PSME3IP1: variants seen among roughly 807,000 people sequenced by gnomAD.
The protein encoded by PSME3IP1 is proteasome activator subunit 3 interacting protein 1.
PSME3IP1 carries 13 observed loss-of-function variants against 34.1 expected under a neutral mutation model. The observed-to-expected ratio is 0.38, with a 90% confidence interval of 0.25 to 0.61. The LOEUF is 0.61. Among genes scored for constraint, PSME3IP1 ranks in the 20% least tolerant of loss-of-function variants. PSME3IP1 has a pLI of 0.60. For missense variants in PSME3IP1, 237 were observed against 301.4 expected (o/e 0.79, Z 1.58); for synonymous variants, 93 against 114.3 (o/e 0.81, Z 1.19).
At chr16:57,160,810 A>C (rs1465722939) in intron 6 of PSME3IP1, among the ~76,000 whole-genome samples, 1 of 152,244 alleles carries the variant, frequency 6.6e-6, no homozygotes, top group Admixed American at 6.5e-5. Context: ...TAACAATGAA[A>C]GTATGAAAAC....
intron 4 of PSME3IP1, among the ~76,000 whole-genome samples, chr16:57,169,111 C>T (rs1226968563): frequency 1.3e-5 from 2 of 151,846 alleles, no homozygotes; most frequent in Admixed American, 6.6e-5. Context: ...ATTTTTGATC[C>T]GCAAAGTACA....
chr16:57,178,678 G>C lies in PSME3IP1; in HGVS notation c.-15-4809C>G, dbSNP rs531108358. The C allele has an allele frequency of 2.9e-5, 29 of 985,092 alleles. No individual in the cohort carries two copies. The African/African-American group carries it at 4.4e-4, about 15-fold the overall frequency. 61.0% of individuals were successfully genotyped at this position (985,092 alleles called of 1,614,324 possible). A position where few individuals can be genotyped will look rare whatever the true frequency, so the allele number is the denominator to read the frequency against. ...AAACGCCATACAATTTGTGCAGTAA[G>C]AAACAAAGGACTAAAAATTAAATCT... On this transcript the variant is annotated intron_variant, in intron 1 of 6. Transcript: ENST00000309137.
chr16:57,186,077 G>C (rs2074156519), upstream of PSME3IP1: 1 of 985,422 alleles, frequency 1.0e-6, no homozygotes, highest in Middle Eastern at 5.2e-4. Context: ...AACCCAATCC[G>C]CGGAGCTCTT....
intron 1 of PSME3IP1, among the ~76,000 whole-genome samples, chr16:57,182,564 A>AAAC (rs1390428297): frequency 6.6e-6 from 1 of 150,418 alleles, no homozygotes; most frequent in African/African-American, 2.4e-5. Context: ...AAAAAAAAAA[A>AAAC]AAAAAAAAAA....
intron 5 of PSME3IP1, among the ~76,000 whole-genome samples, chr16:57,165,995 G>A (rs2071828883): frequency 6.6e-6 from 1 of 152,090 alleles, no homozygotes; most frequent in African/African-American, 2.4e-5. Flanking sequence ...AGTCTTGCAG[G>A]AAAGCTTATG....
Position 57,152,921 on chromosome 16 carries a change from G to C in PSME3IP1, c.*1369C>G, listed in dbSNP as rs1406511461. 6.6e-6 allele frequency: 1 copy of C among 152,616 alleles called. No individual in the cohort carries two copies. Among genetic ancestry groups the C allele is most frequent in the Non-Finnish European group, 1.5e-5 (1 of 68,078 alleles). The allele number at this position is 152,616 out of a possible 1,614,324, so 9.5% of individuals were successfully genotyped here. A position where few individuals can be genotyped will look rare whatever the true frequency, so the allele number is the denominator to read the frequency against. On this transcript the variant is annotated 3_prime_UTR_variant, in exon 7 of 7. Transcript: ENST00000309137. ...AAAGGAGTGGGCTGGATGAGATCCA[G>C]GGGCCTCTCTGCCCATGTTCAAAGT...
intron 1 of PSME3IP1, among the ~76,000 whole-genome samples, chr16:57,180,627 C>T (rs1167501647): frequency 6.6e-6 from 1 of 151,644 alleles, no homozygotes; most frequent in Non-Finnish European, 1.5e-5. Context: ...GAAATTAAGG[C>T]CTGGTGCACT....
chr16:57,160,397 T>C (rs890341746), intron 6 of PSME3IP1, among the ~76,000 whole-genome samples: 2 of 152,256 alleles, frequency 1.3e-5, no homozygotes, highest in African/African-American at 4.8e-5. Context: ...ATTTCCTATT[T>C]ATTAAAAAGA....
At position 57,154,611 on chromosome 16, in the gene PSME3IP1, A is replaced by T. The variant is rs2070304559; in HGVS notation, c.548-104T>A. 1.0e-6 allele frequency: 1 copy of T among 972,582 alleles called. No homozygotes were observed. Among genetic ancestry groups the T allele is most frequent in the Non-Finnish European group, 1.5e-6 (1 of 665,310 alleles). The allele number at this position is 972,582 out of a possible 1,614,324, so 60.2% of individuals were successfully genotyped here. On this transcript the variant is annotated intron_variant, in intron 6 of 6. Transcript: ENST00000309137. The surrounding 1 kb of genome is among the most constrained non-coding windows in gnomAD (Gnocchi z 4.0). ...GTACCAAGGGATTTTCCCACAGAGG[A>T]GCCTTAGAACAATGCTATGCAGCCA...
intron 1 of PSME3IP1, among the ~76,000 whole-genome samples, chr16:57,183,437 AT>A (rs1342019944): frequency 6.6e-6 from 1 of 152,086 alleles, no homozygotes; most frequent in Non-Finnish European, 1.5e-5. Context: ...GGTTCAAGCG[AT>A]TCTCCTACCT....
intron 1 of PSME3IP1, among the ~76,000 whole-genome samples, chr16:57,176,204 G>C (rs548660244): frequency 1.3e-5 from 2 of 152,296 alleles, no homozygotes; most frequent in South Asian, 4.1e-4. Context: ...GAGAAAACGT[G>C]AACTTTCTAG....
intron 4 of PSME3IP1, among the ~76,000 whole-genome samples, chr16:57,171,178 G>GC (rs1382964706): frequency 6.6e-6 from 1 of 152,162 alleles, no homozygotes; most frequent in Non-Finnish European, 1.5e-5. Context: ...AATGCATCTT[G>GC]CAAAATCTGA....
chr16:57,154,535 TTCA>T lies in PSME3IP1; in HGVS notation c.548-31_548-29del, dbSNP rs1567345002. ...GCAATAAAAGGGGAAAGACTGTCAC[TTCA>T]TCACCCTTTTCCAAAGTTGGGGACT... is the stretch of plus-strand genomic sequence containing the variant. On this transcript the variant is annotated intron_variant, in intron 6 of 6. Coordinates refer to ENST00000309137, the MANE Select transcript of PSME3IP1 (RefSeq NM_024946.4). The surrounding 1 kb of genome is among the most constrained non-coding windows in gnomAD (Gnocchi z 4.0). The T allele has an allele frequency of 1.3e-6, 2 of 1,547,540 alleles. No individual in the cohort carries two copies. Among genetic ancestry groups the T allele is most frequent in the Non-Finnish European group, 1.7e-6 (2 of 1,143,034 alleles).
intron 1 of PSME3IP1, among the ~76,000 whole-genome samples, chr16:57,175,302 C>G (rs1015124380): frequency 6.6e-6 from 1 of 152,100 alleles, no homozygotes; most frequent in Non-Finnish European, 1.5e-5. Flanking sequence ...GGTGAGCCAC[C>G]GCACCTGGCC....
chr16:57,173,942 A>T, intron 1 of PSME3IP1, 73 bp from the exon 2 acceptor site: 1 of 1,459,706 alleles, frequency 6.9e-7, no homozygotes. Flanking sequence ...AAGAGAAACA[A>T]GGAGATTTAG....
At chr16:57,170,944 G>A (rs1394052679) in intron 4 of PSME3IP1, among the ~76,000 whole-genome samples, 1 of 152,112 alleles carries the variant, frequency 6.6e-6, no homozygotes, top group African/African-American at 2.4e-5. Flanking sequence ...GTGGTGGCAT[G>A]CACCTGTAAC....
At chr16:57,174,316 T>C (rs568208191) in intron 1 of PSME3IP1, 1 of 445,490 alleles carries the variant, frequency 2.2e-6, no homozygotes, top group East Asian at 1.6e-4. Flanking sequence ...AACTCTCAAA[T>C]AGTTTAATTT....
Position 57,182,101 on chromosome 16 carries a change from G to A in PSME3IP1, c.-16+3720C>T, listed in dbSNP as rs536152889. On this transcript the variant is annotated intron_variant, in intron 1 of 6. Transcript: ENST00000309137. ...TCAAGTGACCAGCCCCCATGCTAAAGTTACTTAGGGGCTGCCAGCCATCAG... is the reference window on the plus strand; with the variant it reads ...TCAAGTGACCAGCCCCCATGCTAAAATTACTTAGGGGCTGCCAGCCATCAG... 3.3e-5 allele frequency among the ~76,000 whole-genome samples: 5 copies of A among 152,234 alleles called. No homozygotes were observed. In the East Asian group the frequency reaches 5.8e-4, roughly 18 times the overall value.
intron 1 of PSME3IP1, chr16:57,175,806 C>T (rs770147190): frequency 2.0e-5 from 3 of 152,188 alleles, no homozygotes; most frequent in Non-Finnish European, 4.4e-5. Context: ...TTTCTTCCTA[C>T]TTCAAATTCC....
Sources: gnomAD v4.1 joint callset for allele counts (sites outside exome capture counted in the v4.1 genomes callset) on GRCh38, gnomAD v4.1.1 for gene constraint, Gnocchi (gnomAD v3.1) non-coding constraint, MANE v1.5 for transcripts, NCBI Gene and HGNC (gene_info 2026-07-23, HGNC 2026-07-21) for gene names.